The following PCDH11Y variants were observed in gnomAD, a reference collection of about 807,000 sequenced individuals.
PCDH11Y encodes protocadherin 11 Y-linked.
For synonymous variants in PCDH11Y, 9 were observed against 83.6 expected (o/e 0.11, Z 4.87); for missense variants, 12 against 224.8 (o/e 0.05, Z 6.05).
At chrY:5,670,931 T>C (rs2053548552) in intron 4 of PCDH11Y, among the ~76,000 whole-genome samples, 1 of 33,240 alleles carries the variant, frequency 3.0e-5, no homozygotes, top group Non-Finnish European at 7.5e-5. Context: ...AAATATTTAA[T>C]CCATTTTGAT....
intron 2 of PCDH11Y, among the ~76,000 whole-genome samples, chrY:5,417,837 T>C (rs2124679170): frequency 3.1e-5 from 1 of 32,651 alleles, no homozygotes; most frequent in South Asian, 6.9e-4. Flanking sequence ...AAACACTATC[T>C]GACAAAAAAA....
chrY:5,297,757 G>T (rs1602900758), intron 2 of PCDH11Y, among the ~76,000 whole-genome samples: 2 of 33,217 alleles, frequency 6.0e-5, no homozygotes, highest in East Asian at 1.7e-3. Context: ...CTGGGGGAAG[G>T]GTGGCATCAG....
intron 3 of PCDH11Y, among the ~76,000 whole-genome samples, chrY:5,530,855 G>A: frequency 3.1e-5 from 1 of 32,594 alleles, no homozygotes; most frequent in Non-Finnish European, 7.6e-5. Context: ...AACTGTTATA[G>A]GCTATGAATA....
At chrY:5,292,519 G>C in intron 2 of PCDH11Y, among the ~76,000 whole-genome samples, 1 of 33,353 alleles carries the variant, frequency 3.0e-5, no homozygotes, top group Non-Finnish European at 7.4e-5. Context: ...TTTCTTCTAG[G>C]TTTTCCAATT....
At chrY:5,729,535 A>T in intron 4 of PCDH11Y, among the ~76,000 whole-genome samples, 3 of 31,953 alleles carry the variant, frequency 9.4e-5, no homozygotes. Flanking sequence ...TGCTGAATGT[A>T]TACTTTGGGA....
At chrY:5,198,600 GA>G (rs2052923668) in intron 2 of PCDH11Y, among the ~76,000 whole-genome samples, 1 of 32,829 alleles carries the variant, frequency 3.0e-5, no homozygotes, top group African/African-American at 1.2e-4. Context: ...TATAAATCTG[GA>G]AAAAAATATT....
At chrY:5,443,415 G>A in intron 2 of PCDH11Y, among the ~76,000 whole-genome samples, 1 of 32,870 alleles carries the variant, frequency 3.0e-5, no homozygotes, top group Non-Finnish European at 7.6e-5. Flanking sequence ...GAAGAGAAGC[G>A]TTGCAACATA....
chrY:5,416,560 G>A, intron 2 of PCDH11Y, among the ~76,000 whole-genome samples: 1 of 32,773 alleles, frequency 3.1e-5, no homozygotes, highest in African/African-American at 1.2e-4. Context: ...GGCTGCTCTC[G>A]TGTGTAACGG....
At chrY:5,279,400 CAAAAAAAAAA>C (rs1317323743) in intron 2 of PCDH11Y, among the ~76,000 whole-genome samples, 1 of 534 alleles carries the variant, frequency 1.9e-3, no homozygotes, top group Non-Finnish European at 3.2e-3. Flanking sequence ...AATTCTGTCT[CAAAAAAAAAA>C]AAAAAAAAAA....
chrY:5,520,175 C>T (rs2053378975), intron 3 of PCDH11Y, among the ~76,000 whole-genome samples: 1 of 27,140 alleles, frequency 3.7e-5, no homozygotes, highest in Non-Finnish European at 8.5e-5. Context: ...GACGAGATCG[C>T]GCCACTGCAC....
chrY:5,191,072 GTT>G (rs2052911765), intron 2 of PCDH11Y, among the ~76,000 whole-genome samples: 2 of 30,320 alleles, frequency 6.6e-5, no homozygotes, highest in African/African-American at 1.3e-4. Context: ...CTAAAGAATA[GTT>G]TGTGTTCTCA....
chrY:5,191,435 G>A, intron 2 of PCDH11Y, among the ~76,000 whole-genome samples: 1 of 32,888 alleles, frequency 3.0e-5, no homozygotes. Flanking sequence ...AGAATAGTTT[G>A]TTGGGTGAAA....
intron 1 of PCDH11Y, among the ~76,000 whole-genome samples, chrY:5,021,348 C>T: frequency 3.1e-5 from 1 of 32,665 alleles, no homozygotes; most frequent in Non-Finnish European, 7.5e-5. Context: ...GCCAACATGG[C>T]ATAACGCCGT....
chrY:5,442,396 T>C, intron 2 of PCDH11Y, among the ~76,000 whole-genome samples: 1 of 32,289 alleles, frequency 3.1e-5, no homozygotes, highest in Non-Finnish European at 7.6e-5. Flanking sequence ...TCTCCTGGAA[T>C]TGTGAGCCCA....
intron 1 of PCDH11Y, among the ~76,000 whole-genome samples, chrY:5,071,425 A>C: frequency 3.6e-5 from 1 of 27,437 alleles, no homozygotes; most frequent in Non-Finnish European, 8.6e-5. Context: ...ATTTTTTAAT[A>C]GTCCAGAATT....
chrY:5,445,650 C>A (rs1484395369), intron 2 of PCDH11Y, among the ~76,000 whole-genome samples: 27 of 31,607 alleles, frequency 8.5e-4, no homozygotes, highest in Non-Finnish European at 1.7e-3. Flanking sequence ...ATGCATAAAA[C>A]TTTTTGCCTG....
chrY:5,688,782 ACATTATAC>A (rs2053565587), intron 4 of PCDH11Y, among the ~76,000 whole-genome samples: 1 of 33,302 alleles, frequency 3.0e-5, no homozygotes, highest in Non-Finnish European at 7.4e-5. Flanking sequence ...TTTTAACTTA[ACATTATAC>A]CATGAGCTCT....
rs1569347608 is a variant in PCDH11Y at position 5,549,614 on chromosome Y, C to T, written c.3329-32161C>T. ...AGCAATCCCATTACTGGGTGTATACCCAGAGGAATAAAAATCATTCTAACA... is the reference window on the plus strand; with the variant it reads ...AGCAATCCCATTACTGGGTGTATACTCAGAGGAATAAAAATCATTCTAACA... On this transcript the variant is annotated intron_variant, in intron 3 of 4. Coordinates refer to the PCDH11Y transcript ENST00000400457. Among the ~76,000 whole-genome samples, 18 of 33,296 alleles carry T rather than the reference C, an allele frequency of 5.4e-4. No homozygotes were observed. In the East Asian group the frequency reaches 0.014, roughly 27 times the overall value. The allele number at this position is 33,296 out of a possible 37,273, so 89.3% of individuals were successfully genotyped here.
intron 4 of PCDH11Y, among the ~76,000 whole-genome samples, chrY:5,636,093 G>T (rs1173246656): frequency 0.014 from 474 of 34,064 alleles, no homozygotes; most frequent in Admixed American, 0.11. Context: ...CCTGGCAAGA[G>T]AAATGTAAGA....
Sources: allele counts gnomAD v4.1 joint callset (sites outside exome capture counted in the v4.1 genomes callset), GRCh38; gene constraint gnomAD v4.1.1; transcripts MANE v1.5; gene names NCBI Gene and HGNC (gene_info 2026-07-23, HGNC 2026-07-21).